Variants in PSMA7 observed in about 807,000 individuals in gnomAD.
PSMA7 encodes proteasome 20S subunit alpha 7.
Under a neutral mutation model 31.3 loss-of-function variants are expected in PSMA7, and 5 were observed. The ratio of observed to expected loss-of-function variants is 0.16; its 90% CI spans 0.08 to 0.34. The LOEUF (loss-of-function observed/expected upper bound fraction) is 0.34. PSMA7 is among the 10% of genes least tolerant of loss of function. The probability of loss-of-function intolerance (pLI) is 1.00; values close to 1 mark genes in which losing one functional copy is unlikely to be tolerated. For missense variants in PSMA7, 217 were observed against 327.5 expected (o/e 0.66, Z 2.60); for synonymous variants, 155 against 121.9 (o/e 1.27, Z -1.79).
chr20:62,137,506 G>T, intron 5 of PSMA7, 80 bp from the exon 6 acceptor site: 1 of 1,350,772 alleles, frequency 7.4e-7, no homozygotes, highest in Non-Finnish European at 1.1e-6. Context: ...ACCTTAAATA[G>T]GTGTGTACCC....
chr20:62,139,624 G>A, intron 3 of PSMA7, 157 bp downstream of exon 3: 1 of 1,208,946 alleles, frequency 8.3e-7, no homozygotes, highest in Admixed American at 1.9e-5. Context: ...AAATTGGTGA[G>A]CTAGGTCAAG....
At position 62,139,774 on chromosome 20, in the gene PSMA7, C is replaced by T. The variant is rs1568726209; in HGVS notation, c.348+7G>A. 2.5e-6 allele frequency: 4 copies of T among 1,613,918 alleles called. No individual in the cohort carries two copies. Among genetic ancestry groups the T allele is most frequent in the Non-Finnish European group, 1.7e-6 (2 of 1,180,018 alleles). ...AGAGGTGAGCATGCAAGCGGGCAGG[C>T]ACCCACCTGCTTCAGACTGGCGATG... is the stretch of plus-strand genomic sequence containing the variant. On this transcript the variant is annotated splice_region_variant and intron_variant, in intron 3 of 6. Transcript: ENST00000370873.
intron 5 of PSMA7, among the ~76,000 whole-genome samples, chr20:62,137,845 C>G (rs572340042): frequency 4.6e-5 from 7 of 152,376 alleles, no homozygotes; most frequent in African/African-American, 1.7e-4. Context: ...GTTCAAGCCT[C>G]TGGAAGGCCT....
chr20:62,140,586 G>A (rs539191770), intron 2 of PSMA7, among the ~76,000 whole-genome samples: 20 of 149,324 alleles, frequency 1.3e-4, no homozygotes, highest in South Asian at 6.5e-4. Context: ...GTCAAATTGC[G>A]CAGCAGCCAG....
intron 4 of PSMA7, among the ~76,000 whole-genome samples, 179 bp from the exon 5 acceptor site, chr20:62,138,469 C>T (rs548403608): frequency 2.6e-5 from 4 of 151,568 alleles, no homozygotes; most frequent in Non-Finnish European, 4.4e-5. Flanking sequence ...GCAAAGAGCT[C>T]TTTAGAGTTG....
rs1197043486 is a variant in PSMA7 at position 62,140,833 on chromosome 20, A to C, written c.208T>G (p.Cys70Gly). ...RKICALDDNVCMAFAGLTADA... is the reference protein window; with the variant it reads ...RKICALDDNVGMAFAGLTADA... The stretch of plus-strand genomic sequence containing the variant: ...CGACTCATACCTGCAAAGGCCATGC[A>C]GACGTTGTCATCCAAAGCACAGATC... Residue 70 changes from cysteine to glycine, a missense_variant, in exon 2 of 7, where the codon TGC (cysteine) becomes GGC (glycine). Coordinates refer to ENST00000370873, the MANE Select transcript of PSMA7 (RefSeq NM_002792.4). The C allele has an allele frequency of 1.2e-6, 2 of 1,614,138 alleles. No individual in the cohort carries two copies. The highest frequency in any genetic ancestry group is 1.7e-6 in the Non-Finnish European group (2 of 1,180,044).
chr20:62,139,232 T>C, intron 3 of PSMA7, 35 bp from the exon 4 acceptor site: 1 of 1,599,040 alleles, frequency 6.3e-7, no homozygotes, highest in South Asian at 1.1e-5. Flanking sequence ...TGCCATCCAA[T>C]TAAGAAACTG....
At chr20:62,137,019 A>G (rs1437613580) in intron 6 of PSMA7, 70 bp from the exon 7 acceptor site, 2 of 1,566,604 alleles carry the variant, frequency 1.3e-6, no homozygotes, top group African/African-American at 1.4e-5. Flanking sequence ...TCTTCTGGGG[A>G]GGGCGGCCAG....
At chr20:62,137,678 C>G (rs1305354331) in intron 5 of PSMA7, among the ~76,000 whole-genome samples, 1 of 152,206 alleles carries the variant, frequency 6.6e-6, no homozygotes, top group Non-Finnish European at 1.5e-5. Context: ...GCTCCAGGCC[C>G]TCCTCTTGAC....
intron 5 of PSMA7, among the ~76,000 whole-genome samples, chr20:62,137,968 C>T (rs1238048431): frequency 6.6e-6 from 1 of 151,800 alleles, no homozygotes; most frequent in Non-Finnish European, 1.5e-5. Context: ...TGGATAAAGA[C>T]ACTAATGATC....
chr20:62,138,963 T>G, intron 4 of PSMA7, 112 bp downstream of exon 4: 1 of 1,401,242 alleles, frequency 7.1e-7, no homozygotes, highest in South Asian at 1.4e-5. Context: ...CTAGGTTAAC[T>G]TAAACTGACT....
intron 5 of PSMA7, among the ~76,000 whole-genome samples, chr20:62,137,808 T>A (rs2056904256): frequency 6.6e-6 from 1 of 152,200 alleles, no homozygotes; most frequent in East Asian, 1.9e-4. Context: ...ATATCTCCAG[T>A]TCTCTAATCC....
At chr20:62,137,335 TAAAG>T (rs756845991) in intron 6 of PSMA7, 25 bp downstream of exon 6, 4 of 1,610,066 alleles carry the variant, frequency 2.5e-6, no homozygotes, top group Non-Finnish European at 3.4e-6. Context: ...AACTGACAGG[TAAAG>T]AAAGCAGACA....
intron 1 of PSMA7, among the ~76,000 whole-genome samples, chr20:62,142,005 A>C (rs1473445664): frequency 6.6e-6 from 1 of 152,182 alleles, no homozygotes; most frequent in Non-Finnish European, 1.5e-5. Context: ...CACGGGTGGG[A>C]TATTGAGCAG....
chr20:62,141,090 A>G (rs2145666284), intron 1 of PSMA7, 146 bp from the exon 2 acceptor site: 2 of 1,048,870 alleles, frequency 1.9e-6, no homozygotes, highest in Non-Finnish European at 2.8e-6. Context: ...ACAACATGGG[A>G]AAACCCTGTC....
In PSMA7 at chr20:62,138,550, ATTTTTTTTT is replaced by A. The variant is rs59188263; in HGVS notation, c.472-269_472-261del. Among the ~76,000 whole-genome samples, 5 of 126,356 alleles carry A rather than the reference ATTTTTTTTT, an allele frequency of 4.0e-5. No individual in the cohort carries two copies. In the East Asian group the frequency reaches 1.2e-3, roughly 30 times the overall value. 82.9% of individuals were successfully genotyped at this position (126,356 alleles called of 152,430 possible). ...CTGCGCTATCAAGAGGCAATGGGAG[ATTTTTTTTT>A]TTTTTTTTTTTTGAGGTAGAGTTTT... On this transcript the variant is annotated intron_variant, in intron 4 of 6. Transcript: ENST00000370873.
rs759507891 is a variant in PSMA7 at position 62,139,922 on chromosome 20, G to T, written c.224-17C>A. 4 of 1,611,646 alleles carry T rather than the reference G, an allele frequency of 2.5e-6. No individual in the cohort carries two copies. In the South Asian group the frequency reaches 4.4e-5, roughly 18 times the overall value. Reference sequence around the variant, plus strand: ...CGGTGAGGCCTGCAAGGAAAGCAGAGAGGCTTCTGCTAGAGAGACAGCACA... The same window carrying T: ...CGGTGAGGCCTGCAAGGAAAGCAGATAGGCTTCTGCTAGAGAGACAGCACA... On this transcript the variant is annotated splice_polypyrimidine_tract_variant and intron_variant, in intron 2 of 6. Coordinates refer to ENST00000370873, the MANE Select transcript of PSMA7 (RefSeq NM_002792.4).
chr20:62,138,501 G>A (rs2056908202), intron 4 of PSMA7, among the ~76,000 whole-genome samples: 1 of 151,968 alleles, frequency 6.6e-6, no homozygotes, highest in Non-Finnish European at 1.5e-5. Flanking sequence ...TACCGAGAAT[G>A]GGGTTATACG....
Position 62,138,249 on chromosome 20 carries a change from G to A in PSMA7, c.513C>T (p.Phe171=), listed in dbSNP as rs371612172. Residue 171 remains phenylalanine, a synonymous_variant, in exon 5 of 7, where the codon TTC becomes TTT. Coordinates refer to ENST00000370873, the MANE Select transcript of PSMA7 (RefSeq NM_002792.4). ...CTTCGTCAGTATAGTTCTTCTCCAG[G>A]AACTCGCGCACTGACTTGGCACCCC... is the stretch of plus-strand genomic sequence containing the variant. ...IGRGAKSVRE[F]LEKNYTDEAI... The A allele has an allele frequency of 6.2e-7, 1 of 1,613,732 alleles. No homozygotes were observed. Among genetic ancestry groups the A allele is most frequent in the African/African-American group, 1.3e-5 (1 of 74,924 alleles).
Sources: allele counts gnomAD v4.1 joint callset (sites outside exome capture counted in the v4.1 genomes callset), GRCh38; gene constraint gnomAD v4.1.1; transcripts MANE v1.5; gene names NCBI Gene and HGNC (gene_info 2026-07-23, HGNC 2026-07-21).